LPP: variants seen among roughly 807,000 people sequenced by gnomAD.
The protein encoded by LPP is lipoma-preferred partner.
In LPP, 38 loss-of-function variants were observed where a neutral mutation model predicts 60.4. That is an observed-to-expected ratio of 0.63 (90% confidence interval 0.49 to 0.83). LPP has a LOEUF of 0.83. Among genes scored for constraint, LPP ranks in the 40% least tolerant of loss-of-function variants. The probability of loss-of-function intolerance (pLI) is 0.00; values close to 1 mark genes in which losing one functional copy is unlikely to be tolerated. For missense variants in LPP, 902 were observed against 783.6 expected (o/e 1.15, Z -1.80); for synonymous variants, 328 against 290.8 (o/e 1.13, Z -1.30).
rs1843506430 is a variant in LPP, at chr3:188,610,634, G to A, written c.1113+790G>A. ...TTATTTGATTTAATTGTCCATATGTGGACCTTTTAAGTTAACACTCTCTGT... is the reference window on the plus strand; with the variant it reads ...TTATTTGATTTAATTGTCCATATGTAGACCTTTTAAGTTAACACTCTCTGT... On this transcript the variant is annotated intron_variant, in intron 7 of 11. Coordinates refer to ENST00000617246, the MANE Select transcript of LPP (RefSeq NM_001375462.1). The surrounding 1 kb of genome is among the most constrained non-coding windows in gnomAD (Gnocchi z 4.4). 6.6e-6 allele frequency among the ~76,000 whole-genome samples: 1 copy of A among 152,156 alleles called. No homozygotes were observed. The highest frequency in any genetic ancestry group is 2.4e-5 in the African/African-American group (1 of 41,438).
At chr3:188,412,832 T>G (rs559802081) in intron 4 of LPP, among the ~76,000 whole-genome samples, 1 of 152,280 alleles carries the variant, frequency 6.6e-6, no homozygotes, top group East Asian at 1.9e-4. Context: ...TATTTTTTTA[T>G]GACATCTTTC....
intron 4 of LPP, among the ~76,000 whole-genome samples, chr3:188,416,239 C>A (rs1207787202): frequency 1.3e-5 from 2 of 152,122 alleles, no homozygotes; most frequent in Non-Finnish European, 2.9e-5. Context: ...CTATATGTAT[C>A]CCTGCCAAAA....
intron 2 of LPP, among the ~76,000 whole-genome samples, chr3:188,306,447 T>A (rs1407045463): frequency 6.6e-6 from 1 of 152,182 alleles, no homozygotes; most frequent in Admixed American, 6.5e-5. Context: ...GAGCTAATGT[T>A]TGCAAAGCTC....
At chr3:188,203,801 C>T (rs1317255890) in intron 1 of LPP, among the ~76,000 whole-genome samples, 1 of 150,842 alleles carries the variant, frequency 6.6e-6, no homozygotes, top group Non-Finnish European at 1.5e-5. Flanking sequence ...ATTACACCCA[C>T]TTTGGGGGAA....
At chr3:188,696,055 A>G (rs2149522594) in intron 7 of LPP, among the ~76,000 whole-genome samples, 1 of 152,322 alleles carries the variant, frequency 6.6e-6, no homozygotes, top group Non-Finnish European at 1.5e-5. Context: ...GGACAATATT[A>G]AATAATCTAG....
chr3:188,696,752 A>G (rs1560079169), intron 7 of LPP, among the ~76,000 whole-genome samples: 1 of 152,218 alleles, frequency 6.6e-6, no homozygotes, highest in Non-Finnish European at 1.5e-5. Context: ...TATCTAAGGC[A>G]TACTGATTAC....
intron 7 of LPP, among the ~76,000 whole-genome samples, chr3:188,678,878 G>T (rs1858756398): frequency 6.6e-6 from 1 of 152,208 alleles, no homozygotes; most frequent in South Asian, 2.1e-4. Flanking sequence ...TAAGTCTGCA[G>T]ATGTAGGTAG....
At chr3:188,567,598 A>G (rs1340751968) in intron 6 of LPP, among the ~76,000 whole-genome samples, 1 of 151,954 alleles carries the variant, frequency 6.6e-6, no homozygotes. Flanking sequence ...TGATGCTGTT[A>G]TCATCATTGC....
At chr3:188,364,579 G>T (rs1240473909) in intron 3 of LPP, among the ~76,000 whole-genome samples, 1 of 152,146 alleles carries the variant, frequency 6.6e-6, no homozygotes, top group Non-Finnish European at 1.5e-5. Flanking sequence ...GTTAGTTTTG[G>T]CTGGGATTGG....
intron 6 of LPP, among the ~76,000 whole-genome samples, chr3:188,592,557 G>GTTTTTTTGTTTTTTTGTTTTTTTTTTTTT (rs1553936333): frequency 2.3e-5 from 2 of 85,756 alleles, no homozygotes; most frequent in African/African-American, 9.0e-5. Flanking sequence ...TTTTGTTTTT[G>GTTTTTTTGTTTTTTTGTTTTTTTTTTTTT]TTTTTTAAAT....
At chr3:188,317,286 G>A (rs867097900) in intron 2 of LPP, among the ~76,000 whole-genome samples, 19 of 151,116 alleles carry the variant, frequency 1.3e-4, no homozygotes, top group South Asian at 4.2e-4. Context: ...GTCTAATTCA[G>A]GTATAGATTA....
chr3:188,861,264 CT>C (rs1277893871), intron 9 of LPP, among the ~76,000 whole-genome samples: 2 of 151,904 alleles, frequency 1.3e-5, no homozygotes, highest in Non-Finnish European at 1.5e-5. Context: ...CTCTTTTTTT[CT>C]TTTTGTTCTT....
chr3:188,457,380 C>G (rs1038623766), intron 4 of LPP, among the ~76,000 whole-genome samples: 1 of 152,168 alleles, frequency 6.6e-6, no homozygotes, highest in African/African-American at 2.4e-5. Context: ...TATTGAGATA[C>G]TGGGACATCT....
chr3:188,479,618 T>C (rs1804202924), intron 4 of LPP, among the ~76,000 whole-genome samples: 1 of 152,242 alleles, frequency 6.6e-6, no homozygotes. Flanking sequence ...AGATAAATCA[T>C]GAGTGGACTC....
chr3:188,334,206 T>C (rs1760940422), intron 2 of LPP, among the ~76,000 whole-genome samples: 1 of 152,192 alleles, frequency 6.6e-6, no homozygotes, highest in Non-Finnish European at 1.5e-5. Flanking sequence ...TTTCATTCAT[T>C]TTTTTATGGC....
At chr3:188,534,589 A>G (rs1823065822) in intron 6 of LPP, among the ~76,000 whole-genome samples, 1 of 152,228 alleles carries the variant, frequency 6.6e-6, no homozygotes, top group South Asian at 2.1e-4. Flanking sequence ...GCAAATAAAC[A>G]AGAAAACACA....
At chr3:188,767,789 G>T (rs1985015) in intron 9 of LPP, among the ~76,000 whole-genome samples, 1 of 152,116 alleles carries the variant, frequency 6.6e-6, no homozygotes, top group Admixed American at 6.5e-5. Flanking sequence ...GACATAGTAT[G>T]CCAAGTAATA....
At chr3:188,821,117 C>T (rs1051511971) in intron 9 of LPP, among the ~76,000 whole-genome samples, 2 of 151,352 alleles carry the variant, frequency 1.3e-5, no homozygotes, top group African/African-American at 4.9e-5. Context: ...TCTGTAGCCT[C>T]TGATTTTTTT....
At chr3:188,510,005 C>T (rs1814971371) in intron 5 of LPP, among the ~76,000 whole-genome samples, 1 of 151,772 alleles carries the variant, frequency 6.6e-6, no homozygotes, top group Non-Finnish European at 1.5e-5. Context: ...GCGTGAGCCA[C>T]TGCACCGGGC....
Sources: gnomAD v4.1 joint callset for allele counts (sites outside exome capture counted in the v4.1 genomes callset) on GRCh38, gnomAD v4.1.1 for gene constraint, Gnocchi (gnomAD v3.1) non-coding constraint, MANE v1.5 for transcripts, NCBI Gene and HGNC (gene_info 2026-07-23, HGNC 2026-07-21) for gene names.